The following DPP9 variants were observed in gnomAD, a reference collection of about 807,000 sequenced individuals.
DPP9 encodes the protein dipeptidyl peptidase 9.
A neutral mutation model predicts 110.7 loss-of-function variants in DPP9; 50 were observed. That is an observed-to-expected ratio of 0.45 (90% CI 0.36 to 0.57). The LOEUF (loss-of-function observed/expected upper bound fraction) is 0.57. Among genes scored for constraint, DPP9 ranks in the 20% least tolerant of loss-of-function variants. DPP9 has a pLI of 0.00. For synonymous variants in DPP9, 561 were observed against 514.4 expected (o/e 1.09, Z -1.23); for missense variants, 1,022 against 1,217.9 (o/e 0.84, Z 2.39).
Position 4,684,543 on chromosome 19 carries a change from A to G in DPP9, c.2178+120T>C, listed in dbSNP as rs2090398852. The G allele has an allele frequency of 8.3e-7, 1 of 1,203,020 alleles. No individual in the cohort carries two copies. Among genetic ancestry groups the G allele is most frequent in the African/African-American group, 1.6e-5 (1 of 64,404 alleles). 74.5% of individuals were successfully genotyped at this position (1,203,020 alleles called of 1,614,324 possible). ...CGCCTCATTGAGCCTGCGTCACCCC[A>G]GCCAGAAGTGCCCTTCTGCGGGTGG... On this transcript the variant is annotated intron_variant, in intron 18 of 21. Transcript: ENST00000262960. This position sits in a 1 kb window ranked among gnomAD's most constrained non-coding sequence, Gnocchi z 4.8.
In DPP9 at chr19:4,684,735, G is replaced by A. The variant is rs764225972; in HGVS notation, c.2106C>T (p.Ala702=). Residue 702 remains alanine, a synonymous_variant, in exon 18 of 22, where the codon GCC becomes GCT. Transcript: ENST00000262960. The surrounding 1 kb of genome is among the most constrained non-coding windows in gnomAD (Gnocchi z 4.8). ...RLNTLASLGY[A]VVVIDGRGSC... is the part of the protein sequence containing the mutation. Reference sequence around the variant, plus strand: ...AGCCCCTGCCGTCAATCACAACCACGGCGTAGCCCAGGGAGGCCAGTGTGT... The same window carrying A: ...AGCCCCTGCCGTCAATCACAACCACAGCGTAGCCCAGGGAGGCCAGTGTGT... The A allele has an allele frequency of 6.8e-6, 11 of 1,610,494 alleles. No individual in the cohort carries two copies. Among genetic ancestry groups the A allele is most frequent in the East Asian group, 4.5e-5 (2 of 44,778 alleles).
Position 4,676,505 on chromosome 19 carries a change from G to T in DPP9, c.*59C>A, listed in dbSNP as rs549488775. ...CGGGCCACTCAGTCCCTCCCGCCTG[G>T]TTCCCCGCGGAGGCTGCAGCCACTT... On this transcript the variant is annotated 3_prime_UTR_variant, in exon 22 of 22. Coordinates refer to ENST00000262960, the MANE Select transcript of DPP9 (RefSeq NM_139159.5). The surrounding 1 kb of genome is among the most constrained non-coding windows in gnomAD (Gnocchi z 4.0). The T allele has an allele frequency of 2.1e-6, 3 of 1,457,248 alleles. No individual in the cohort carries two copies. The highest frequency in any genetic ancestry group is 2.5e-5 in the East Asian group (1 of 40,768). 90.3% of individuals were successfully genotyped at this position (1,457,248 alleles called of 1,614,324 possible). A position where few individuals can be genotyped will look rare whatever the true frequency, so the allele number is the denominator to read the frequency against.
chr19:4,700,338 GCACGGGGGGC>G lies in DPP9; in HGVS notation c.1013-71_1013-62del. The G allele has an allele frequency of 7.0e-7, 1 of 1,435,260 alleles. No individual in the cohort carries two copies. Among genetic ancestry groups the G allele is most frequent in the Non-Finnish European group, 9.5e-7 (1 of 1,050,130 alleles). 88.9% of individuals were successfully genotyped at this position (1,435,260 alleles called of 1,614,324 possible). A position where few individuals can be genotyped will look rare whatever the true frequency, so the allele number is the denominator to read the frequency against. On this transcript the variant is annotated intron_variant, in intron 9 of 21. Coordinates refer to ENST00000262960, the MANE Select transcript of DPP9 (RefSeq NM_139159.5). This position sits in a 1 kb window ranked among gnomAD's most constrained non-coding sequence, Gnocchi z 4.3. Reference sequence around the variant, plus strand: ...CATCACCCGTGTGTGCCGAGAGCCGGCACGGGGGGCCTGGGCTGTGGGGTGACGTCCACAG... The same window carrying G: ...CATCACCCGTGTGTGCCGAGAGCCGGCTGGGCTGTGGGGTGACGTCCACAG...
In DPP9 at chr19:4,700,099, G is replaced by A; in HGVS notation, c.1074+117C>T. ...CTAGGCGGACCGGGCGGCAGGGCTG[G>A]GGCCTGGGGAGTGCCCCCGAGAGGG... is the stretch of plus-strand genomic sequence containing the variant. On this transcript the variant is annotated intron_variant, in intron 10 of 21. Coordinates refer to ENST00000262960, the MANE Select transcript of DPP9 (RefSeq NM_139159.5). The surrounding 1 kb of genome is among the most constrained non-coding windows in gnomAD (Gnocchi z 4.3). 1 of 749,178 alleles carries A rather than the reference G, an allele frequency of 1.3e-6. No individual in the cohort carries two copies. Among genetic ancestry groups the A allele is most frequent in the Non-Finnish European group, 2.0e-6 (1 of 500,342 alleles). The allele number at this position is 749,178 out of a possible 1,614,324, so 46.4% of individuals were successfully genotyped here.
At chr19:4,714,484 G>T in intron 3 of DPP9, 147 bp from the exon 4 acceptor site, 1 of 1,016,464 alleles carries the variant, frequency 9.8e-7, no homozygotes, top group Non-Finnish European at 1.4e-6. Flanking sequence ...TCTTGGGTTG[G>T]TCTACCTCTC....
intron 2 of DPP9, 185 bp downstream of exon 2, chr19:4,722,314 G>T: frequency 3.4e-6 from 2 of 582,502 alleles, no homozygotes; most frequent in South Asian, 4.1e-5. Context: ...GCTAGAGGGG[G>T]ACAGGGGTGG....
Position 4,685,771 on chromosome 19 carries a change from C to A in DPP9, c.1886G>T (p.Ser629Ile). The A allele has an allele frequency of 6.2e-7, 1 of 1,612,446 alleles. No individual in the cohort carries two copies. The highest frequency in any genetic ancestry group is 8.5e-7 in the Non-Finnish European group (1 of 1,179,758). The change falls in exon 17 of 22, where the codon AGC becomes ATC. Residue 629 changes from serine (S) to isoleucine (I), a missense_variant and splice_region_variant. Physicochemically the swap from Ser to Ile is moderately radical, Grantham distance 142. Transcript: ENST00000262960. This position sits in a 1 kb window ranked among gnomAD's most constrained non-coding sequence, Gnocchi z 5.8. ...TGGAGGAACATAATCCGGGGGGCAG[C>A]CTGCGGGAGACAGGGCGGCTATCTG... ...RFWASMMEAA[S>I]CPPDYVPPEI...
rs867388826 is a variant in DPP9, at chr19:4,682,140, G to A, written c.2474+556C>T. Among the ~76,000 whole-genome samples the A allele has an allele frequency of 5.9e-5, 9 of 151,980 alleles. No individual in the cohort carries two copies. The highest frequency in any genetic ancestry group is 9.7e-5 in the African/African-American group (4 of 41,360). On this transcript the variant is annotated intron_variant, in intron 20 of 21. Coordinates refer to ENST00000262960, the MANE Select transcript of DPP9 (RefSeq NM_139159.5). The surrounding 1 kb of genome is among the most constrained non-coding windows in gnomAD (Gnocchi z 7.1). ...TGGGATTACAGGAGTGAGCCACCGC[G>A]CCCGGCCCATGCCCAGGCAGATTTT... is the stretch of plus-strand genomic sequence containing the variant.
Position 4,695,370 on chromosome 19 carries a change from C to T in DPP9, c.1353+8G>A. ...GGCGGGCATACAGCCAGCGCTTGCC[C>T]CGCTTACATTGATCCAGACGTTGGT... On this transcript the variant is annotated splice_region_variant and intron_variant, in intron 12 of 21. Transcript: ENST00000262960. The surrounding 1 kb of genome is among the most constrained non-coding windows in gnomAD (Gnocchi z 4.7). The T allele has an allele frequency of 6.4e-7, 1 of 1,557,944 alleles. No individual in the cohort carries two copies. The highest frequency in any genetic ancestry group is 8.7e-7 in the Non-Finnish European group (1 of 1,151,168).
Position 4,689,724 on chromosome 19 carries a change from T to C in DPP9, c.1597-2A>G, listed in dbSNP as rs2091133093. 1 of 1,545,844 alleles carries C rather than the reference T, an allele frequency of 6.5e-7. No individual in the cohort carries two copies. On this transcript the variant is annotated splice_acceptor_variant, in intron 14 of 21. Coordinates refer to ENST00000262960, the MANE Select transcript of DPP9 (RefSeq NM_139159.5). LOFTEE classifies it high-confidence loss of function. The surrounding 1 kb of genome is among the most constrained non-coding windows in gnomAD (Gnocchi z 7.0). ...CTTGGTCTCCTCATTGACCCAGATC[T>C]GCAGGGGGACAGGGGATCCTCGTGA...
At position 4,676,629 on chromosome 19, in the gene DPP9, G is replaced by A; in HGVS notation, c.2614C>T (p.Arg872Cys). The A allele has an allele frequency of 6.2e-7, 1 of 1,607,870 alleles. No individual in the cohort carries two copies. Residue 872 changes from arginine to cysteine, a missense_variant, in exon 22 of 22, where the codon CGC (arginine) becomes TGC (cysteine). Physicochemically the swap from Arg to Cys is radical, Grantham distance 180. Around this residue, in one of 3 missense-constraint regions of DPP9, gnomAD observed 209 missense variants for 280.4 expected, o/e 0.75. Transcript: ENST00000262960. This position sits in a 1 kb window ranked among gnomAD's most constrained non-coding sequence, Gnocchi z 4.0. ...QIYPNERHSI[R>C]CPESGEHYEV... ...TAGTGCTCGCCCGACTCGGGGCAGC[G>A]AATACTGTGTCTCTCGTTGGGGTAG...
At chr19:4,719,367 T>TAAATAAAA (rs2093219698) in intron 3 of DPP9, 1 of 140,658 alleles carries the variant, frequency 7.1e-6, no homozygotes, top group Admixed American at 7.1e-5. Context: ...AATAAATAAA[T>TAAATAAAA]AAAAATGGAC....
In DPP9 at chr19:4,718,708, C is replaced by T. The variant is rs2093184776; in HGVS notation, c.56+1143G>A. On this transcript the variant is annotated intron_variant, in intron 3 of 21. Coordinates refer to ENST00000262960, the MANE Select transcript of DPP9 (RefSeq NM_139159.5). The surrounding 1 kb of genome is among the most constrained non-coding windows in gnomAD (Gnocchi z 4.3). ...CACAGATCCCCTTCAGTAACTGACCCCTAAGGCATGTGCCCACCAGACGCT... is the reference window on the plus strand; with the variant it reads ...CACAGATCCCCTTCAGTAACTGACCTCTAAGGCATGTGCCCACCAGACGCT... 6.6e-6 allele frequency among the ~76,000 whole-genome samples: 1 copy of T among 152,180 alleles called. No homozygotes were observed. Among genetic ancestry groups the T allele is most frequent in the Non-Finnish European group, 1.5e-5 (1 of 68,022 alleles).
At chr19:4,697,744 C>A (rs1022972412) in intron 10 of DPP9, 93 bp from the exon 11 acceptor site, 3 of 1,014,806 alleles carry the variant, frequency 3.0e-6, no homozygotes, top group East Asian at 2.6e-5. Flanking sequence ...TCATGTCCCC[C>A]CCAAATTCAT....
rs2091651127 is a variant in DPP9, at chr19:4,694,842, G to T, written c.1354-19C>A. On this transcript the variant is annotated intron_variant, in intron 12 of 21. Transcript: ENST00000262960. The surrounding 1 kb of genome is among the most constrained non-coding windows in gnomAD (Gnocchi z 4.0). ...CATGAACCTGTCCGGAAAGCAGATA[G>T]AAGATGCGTCAGAAGGTGTGGGTGG... The T allele has an allele frequency of 1.2e-6, 2 of 1,612,800 alleles. No homozygotes were observed. Among genetic ancestry groups the T allele is most frequent in the Non-Finnish European group, 1.7e-6 (2 of 1,179,472 alleles).
intron 7 of DPP9, among the ~76,000 whole-genome samples, chr19:4,703,081 G>C (rs1330315620): frequency 6.6e-6 from 1 of 151,692 alleles, no homozygotes; most frequent in African/African-American, 2.4e-5. Flanking sequence ...GGCCAGGTTT[G>C]GAAAGTGGGG....
At position 4,696,120 on chromosome 19, in the gene DPP9, CGAACTCCT is replaced by C. The variant is rs2091780503; in HGVS notation, c.1176-573_1176-566del. Among the ~76,000 whole-genome samples, 6 of 152,212 alleles carry C rather than the reference CGAACTCCT, an allele frequency of 3.9e-5. No homozygotes were observed. In the South Asian group the frequency reaches 1.2e-3, roughly 32 times the overall value. On this transcript the variant is annotated intron_variant, in intron 11 of 21. Transcript: ENST00000262960. Reference sequence around the variant, plus strand: ...TTCATCATGTTGGCCAGGCTAGTCTCGAACTCCTGACCTCAGATGATCCGCCAGCCCCA... The same window carrying C: ...TTCATCATGTTGGCCAGGCTAGTCTCGACCTCAGATGATCCGCCAGCCCCA...
At position 4,694,963 on chromosome 19, in the gene DPP9, A is replaced by G; in HGVS notation, c.1354-140T>C. On this transcript the variant is annotated intron_variant, in intron 12 of 21. Coordinates refer to ENST00000262960, the MANE Select transcript of DPP9 (RefSeq NM_139159.5). The surrounding 1 kb of genome is among the most constrained non-coding windows in gnomAD (Gnocchi z 4.0). ...AGGAATTTCAGAGACCAGCCTGGAC[A>G]ACATAGTAAGACCCCACCTCTAAAA... 1 of 750,896 alleles carries G rather than the reference A, an allele frequency of 1.3e-6. No individual in the cohort carries two copies. The allele number at this position is 750,896 out of a possible 1,614,324, so 46.5% of individuals were successfully genotyped here. A position where few individuals can be genotyped will look rare whatever the true frequency, so the allele number is the denominator to read the frequency against.
rs531689683 is a variant in DPP9, at chr19:4,687,026, T to C, written c.1886-1255A>G. ...GGGAGTTTCGGGAAACAGTGCCTCG[T>C]TCCCCAGGGCACTGAGGTTCTGGTC... is the stretch of plus-strand genomic sequence containing the variant. On this transcript the variant is annotated intron_variant, in intron 16 of 21. Transcript: ENST00000262960. The surrounding 1 kb of genome is among the most constrained non-coding windows in gnomAD (Gnocchi z 4.7). Among the ~76,000 whole-genome samples, 1 of 152,230 alleles carries C rather than the reference T, an allele frequency of 6.6e-6. No individual in the cohort carries two copies. Among genetic ancestry groups the C allele is most frequent in the South Asian group, 2.1e-4 (1 of 4,822 alleles).
Sources: gnomAD v4.1 joint callset for allele counts (sites outside exome capture counted in the v4.1 genomes callset) on GRCh38, gnomAD v4.1.1 for gene constraint, gnomAD v4.1.1 regional missense constraint, Gnocchi (gnomAD v3.1) non-coding constraint, MANE v1.5 for transcripts, NCBI Gene and HGNC (gene_info 2026-07-23, HGNC 2026-07-21) for gene names.